The following POU6F2 variants were observed in gnomAD, a reference collection of about 807,000 sequenced individuals.
The protein encoded by POU6F2 is POU domain, class 6, transcription factor 2.
In POU6F2, 31 loss-of-function variants were observed where a neutral mutation model predicts 71.3. The observed-to-expected ratio is 0.43, with a 90% CI of 0.33 to 0.59. The LOEUF is 0.59. Ranked by LOEUF, POU6F2 falls within the 20% of genes least tolerant of loss-of-function variation. The probability of loss-of-function intolerance (pLI) is 0.04; values close to 1 mark genes in which losing one functional copy is unlikely to be tolerated. For missense variants in POU6F2, 783 were observed against 856.8 expected, an observed-to-expected ratio of 0.91 and a Z score of 1.07; for synonymous variants, 347 against 355.7, an observed-to-expected ratio of 0.98 and a Z score of 0.27.
chr7:39,394,398 GC>G (rs1787133135), intron 5 of POU6F2, among the ~76,000 whole-genome samples: 2 of 152,126 alleles, frequency 1.3e-5, no homozygotes, highest in African/African-American at 2.4e-5. Flanking sequence ...GGGCTGCAAA[GC>G]TGTTAAAGCT....
chr7:38,996,035 C>T (rs1165307365), intron 1 of POU6F2, among the ~76,000 whole-genome samples: 40 of 85,388 alleles, frequency 4.7e-4, no homozygotes, highest in Admixed American at 5.5e-4. Flanking sequence ...AGGGGCTTGG[C>T]TTTTTTTTTT....
chr7:39,406,510 G>T (rs1208271904), intron 5 of POU6F2, 90 bp from the exon 6 acceptor site: 3 of 1,483,696 alleles, frequency 2.0e-6, no homozygotes, highest in Admixed American at 4.0e-5. Flanking sequence ...GAATTGAGGC[G>T]AGAACTACCT....
intron 4 of POU6F2, among the ~76,000 whole-genome samples, chr7:39,241,829 G>T (rs768551623): frequency 6.6e-6 from 1 of 152,050 alleles, no homozygotes; most frequent in Non-Finnish European, 1.5e-5. Context: ...CACACAGTTG[G>T]TGTAACTGTG....
intron 4 of POU6F2, among the ~76,000 whole-genome samples, chr7:39,222,901 A>G (rs552000778): frequency 6.6e-6 from 1 of 152,342 alleles, no homozygotes; most frequent in African/African-American, 2.4e-5. Flanking sequence ...TGTTTGGGGT[A>G]TATACCCAGA....
chr7:39,130,147 GGT>G (rs10600961), intron 2 of POU6F2, among the ~76,000 whole-genome samples: 63,197 of 143,028 alleles, frequency 0.44, 13,788 homozygotes, highest in African/African-American at 0.52. Context: ...GAAAGGGGTA[GGT>G]GTGTGTGTGT....
At chr7:39,039,763 G>T (rs1790142669) in intron 1 of POU6F2, among the ~76,000 whole-genome samples, 2 of 151,298 alleles carry the variant, frequency 1.3e-5, no homozygotes, top group South Asian at 2.1e-4. Flanking sequence ...TGAAAGGTAT[G>T]TCTACAAATT....
At chr7:39,192,386 G>A (rs970708293) in intron 2 of POU6F2, among the ~76,000 whole-genome samples, 2 of 152,146 alleles carry the variant, frequency 1.3e-5, no homozygotes, top group Non-Finnish European at 2.9e-5. Context: ...GGCTACTTTT[G>A]TAAAGAATGT....
intron 2 of POU6F2, among the ~76,000 whole-genome samples, chr7:39,197,763 T>G (rs1793817248): frequency 6.6e-6 from 1 of 152,236 alleles, no homozygotes; most frequent in African/African-American, 2.4e-5. Flanking sequence ...TGTGTCTGAC[T>G]TCGTTCCGCT....
intron 4 of POU6F2, among the ~76,000 whole-genome samples, chr7:39,284,271 A>G (rs1164555441): frequency 6.6e-6 from 1 of 152,262 alleles, no homozygotes; most frequent in Non-Finnish European, 1.5e-5. Flanking sequence ...TTTGTAGCCC[A>G]AAGTCTTCAC....
chr7:39,301,324 C>T (rs552735642), intron 4 of POU6F2, among the ~76,000 whole-genome samples: 18 of 152,184 alleles, frequency 1.2e-4, no homozygotes, highest in African/African-American at 3.6e-4. Context: ...GTCAGTCCAC[C>T]GTGCAGAGGG....
intron 2 of POU6F2, among the ~76,000 whole-genome samples, chr7:39,198,777 G>A (rs962213546): frequency 6.6e-6 from 1 of 152,188 alleles, no homozygotes; most frequent in Non-Finnish European, 1.5e-5. Context: ...GTGGCAAACA[G>A]TGGCAGTAGC....
At chr7:39,116,377 T>G (rs1219390980) in intron 2 of POU6F2, among the ~76,000 whole-genome samples, 3 of 152,120 alleles carry the variant, frequency 2.0e-5, no homozygotes, top group Admixed American at 6.6e-5. Flanking sequence ...AGAGTGAGAC[T>G]GTGTCTCAAA....
chr7:39,435,087 TA>T (rs1240882280), intron 7 of POU6F2, among the ~76,000 whole-genome samples: 1 of 152,230 alleles, frequency 6.6e-6, no homozygotes, highest in Non-Finnish European at 1.5e-5. Flanking sequence ...AGTGCTGCAA[TA>T]AATATACATG....
At chr7:39,176,462 C>A (rs1468000658) in intron 2 of POU6F2, among the ~76,000 whole-genome samples, 1 of 152,200 alleles carries the variant, frequency 6.6e-6, no homozygotes, top group African/African-American at 2.4e-5. Context: ...ATGAAGCCCC[C>A]TCTGCTCTCA....
chr7:39,111,778 A>C (rs1355237171), intron 2 of POU6F2, among the ~76,000 whole-genome samples: 1 of 152,248 alleles, frequency 6.6e-6, no homozygotes, highest in East Asian at 1.9e-4. Flanking sequence ...CTGAACAATG[A>C]AACAGTCAAC....
chr7:39,226,879 C>T (rs989600072), intron 4 of POU6F2, among the ~76,000 whole-genome samples: 2 of 152,148 alleles, frequency 1.3e-5, no homozygotes, highest in Non-Finnish European at 2.9e-5. Context: ...GAATTTTGAA[C>T]GGGAATGAGT....
intron 2 of POU6F2, among the ~76,000 whole-genome samples, chr7:39,180,979 T>C (rs567696881): frequency 6.6e-6 from 1 of 152,216 alleles, no homozygotes. Context: ...TAGAGCAGAA[T>C]TGCTGGGGCT....
chr7:39,282,317 A>T (rs1404495610), intron 4 of POU6F2, among the ~76,000 whole-genome samples: 1 of 151,928 alleles, frequency 6.6e-6, no homozygotes, highest in Non-Finnish European at 1.5e-5. Context: ...GTCTATTTAT[A>T]TATTTCTGTT....
chr7:39,362,573 G>T (rs1239164338), intron 5 of POU6F2, among the ~76,000 whole-genome samples: 1 of 152,116 alleles, frequency 6.6e-6, no homozygotes, highest in Non-Finnish European at 1.5e-5. Flanking sequence ...TTAGTCTTAT[G>T]AGTCATTTGT....
Sources: allele counts gnomAD v4.1 joint callset (sites outside exome capture counted in the v4.1 genomes callset), GRCh38; gene constraint gnomAD v4.1.1; transcripts MANE v1.5; gene names NCBI Gene and HGNC (gene_info 2026-07-23, HGNC 2026-07-21).